Variants in TLE1 observed in about 807,000 individuals in gnomAD.
TLE1 encodes the protein transducin-like enhancer protein 1.
A neutral mutation model predicts 89.8 loss-of-function variants in TLE1; 21 were observed. The ratio of observed to expected loss-of-function variants is 0.23; its 90% confidence interval spans 0.17 to 0.34. The LOEUF (loss-of-function observed/expected upper bound fraction) is 0.34. Ranked by LOEUF, TLE1 falls within the 10% of genes least tolerant of loss-of-function variation. TLE1 has a pLI of 1.00. For missense variants in TLE1, 795 were observed against 1,031.2 expected (o/e 0.77, Z 3.14); for synonymous variants, 447 against 407.6 (o/e 1.10, Z -1.16).
rs758365931 is a variant in TLE1, at chr9:81,587,678, C to CT, written c.1977+2_1977+3insA. The CT allele has an allele frequency of 6.2e-7, 1 of 1,609,036 alleles. No homozygotes were observed. Among genetic ancestry groups the CT allele is most frequent in the African/African-American group, 1.3e-5 (1 of 74,980 alleles). Reference sequence around the variant, plus strand: ...CCAGGGCAGGCGGAAGCCACTCAGTCACCTGGGAGGTGAAGTCGTGCTGCT... The same window carrying CT: ...CCAGGGCAGGCGGAAGCCACTCAGTCTACCTGGGAGGTGAAGTCGTGCTGCT... On this transcript the variant is annotated splice_region_variant and intron_variant, in intron 17 of 19. Transcript: ENST00000376499.
chr9:81,635,893 T>C (rs980704647), intron 6 of TLE1, among the ~76,000 whole-genome samples: 2 of 152,108 alleles, frequency 1.3e-5, no homozygotes, highest in Admixed American at 1.3e-4. Flanking sequence ...AGTGGCTCAC[T>C]ATAATCCTAT....
chr9:81,669,178 T>C (rs1263406415), intron 4 of TLE1, among the ~76,000 whole-genome samples: 1 of 152,198 alleles, frequency 6.6e-6, no homozygotes. Flanking sequence ...GGAATAAAGG[T>C]CAATGTTGCA....
intron 14 of TLE1, among the ~76,000 whole-genome samples, chr9:81,606,082 T>C (rs1405383351): frequency 2.6e-5 from 4 of 152,174 alleles, no homozygotes; most frequent in East Asian, 1.9e-4. Flanking sequence ...TACCATCTCA[T>C]GCCAGTTAGA....
intron 14 of TLE1, among the ~76,000 whole-genome samples, chr9:81,596,826 G>T (rs1158247777): frequency 6.6e-6 from 1 of 152,202 alleles, no homozygotes; most frequent in Non-Finnish European, 1.5e-5. Context: ...TCTGTTCCTT[G>T]ATCCAAGGGC....
chr9:81,622,183 C>G (rs955435717), intron 8 of TLE1, among the ~76,000 whole-genome samples: 5 of 152,200 alleles, frequency 3.3e-5, no homozygotes, highest in Non-Finnish European at 7.3e-5. Context: ...ACATGGGAAA[C>G]GTGTTTAAAT....
intron 14 of TLE1, among the ~76,000 whole-genome samples, chr9:81,598,478 G>A (rs950480026): frequency 5.3e-5 from 8 of 152,162 alleles, no homozygotes; most frequent in Non-Finnish European, 1.2e-4. Flanking sequence ...AAGTCTTTCC[G>A]ATTCCAGAGT....
chr9:81,655,852 CAAAAA>C (rs5898754), intron 4 of TLE1, among the ~76,000 whole-genome samples: 6 of 127,012 alleles, frequency 4.7e-5, no homozygotes, highest in Non-Finnish European at 8.2e-5. Context: ...GACCCTGTCT[CAAAAA>C]AAAAAAAAAA....
At chr9:81,654,433 CG>C (rs1190470139) in intron 4 of TLE1, among the ~76,000 whole-genome samples, 1 of 152,168 alleles carries the variant, frequency 6.6e-6, no homozygotes, top group Non-Finnish European at 1.5e-5. Flanking sequence ...CTCTGCCTCC[CG>C]GGTTCACACC....
At chr9:81,653,936 A>G (rs1425984532) in intron 5 of TLE1, 38 bp downstream of exon 5, 1 of 1,591,234 alleles carries the variant, frequency 6.3e-7, no homozygotes. Context: ...CAGAGAAGCA[A>G]CATAATTGCA....
Position 81,616,052 on chromosome 9 carries a change from G to C in TLE1, c.848C>G (p.Ala283Gly). The change falls in exon 11 of 20, where the codon GCT becomes GGT. Residue 283 changes from alanine (A) to glycine (G), a missense_variant. By Grantham distance (60) the Ala-to-Gly change is moderately conservative (BLOSUM62 0). Transcript: ENST00000376499. ...GGCCGTGGAAGCTGGACTGCTAGAA[G>C]CATCCTTCTTTAGCAGGCGATTTTT... ...IDKNRLLKKD[A>G]SSSPASTASS... 1 of 1,614,176 alleles carries C rather than the reference G, an allele frequency of 6.2e-7. No homozygotes were observed. Among genetic ancestry groups the C allele is most frequent in the Non-Finnish European group, 8.5e-7 (1 of 1,180,040 alleles).
At chr9:81,638,065 C>A (rs2132422170) in intron 6 of TLE1, among the ~76,000 whole-genome samples, 1 of 152,276 alleles carries the variant, frequency 6.6e-6, no homozygotes, top group East Asian at 1.9e-4. Context: ...TTCGCATTTC[C>A]CCCACTGCTC....
chr9:81,620,982 A>T (rs1432689841), intron 8 of TLE1: 1 of 447,288 alleles, frequency 2.2e-6, no homozygotes, highest in South Asian at 1.7e-5. Context: ...ACCACTCTAA[A>T]AAGGCACAAA....
chr9:81,674,677 G>A (rs1404083829), intron 4 of TLE1, among the ~76,000 whole-genome samples: 2 of 152,226 alleles, frequency 1.3e-5, no homozygotes, highest in African/African-American at 4.8e-5. Context: ...TCAGAACAAA[G>A]AGAGGAGGAC....
chr9:81,631,069 A>T (rs568714253), intron 8 of TLE1, among the ~76,000 whole-genome samples: 58 of 152,354 alleles, frequency 3.8e-4, no homozygotes, highest in Admixed American at 2.5e-3. Context: ...CTTGTCAAAA[A>T]TTTGATATAA....
chr9:81,651,391 A>T (rs1829512126), intron 6 of TLE1, among the ~76,000 whole-genome samples: 1 of 152,184 alleles, frequency 6.6e-6, no homozygotes, highest in South Asian at 2.1e-4. Flanking sequence ...GGTTCACCAG[A>T]TTCATTAATG....
At chr9:81,640,664 T>C (rs905661706) in intron 6 of TLE1, among the ~76,000 whole-genome samples, 6 of 152,328 alleles carry the variant, frequency 3.9e-5, no homozygotes, top group South Asian at 2.1e-4. Flanking sequence ...CAGCCACGCA[T>C]TGAGAATTTT....
intron 4 of TLE1, among the ~76,000 whole-genome samples, chr9:81,673,904 G>T (rs890156060): frequency 4.6e-5 from 7 of 152,116 alleles, no homozygotes; most frequent in Non-Finnish European, 8.8e-5. Context: ...GCTGCATGGG[G>T]CCTGGATGCC....
rs1027402011 is a variant in TLE1 at position 81,587,747 on chromosome 9, G to T, written c.1911C>A (p.Asp637Glu). Residue 637 changes from aspartate (D) to glutamate (E), a missense_variant, in exon 17 of 20, where the codon GAC (aspartate) becomes GAA (glutamate). Asp to Glu is a conservative substitution (Grantham distance 45, BLOSUM62 2). This residue lies in a region of TLE1 where 214 missense variants were observed against 354.9 expected (regional missense o/e 0.60). Transcript: ENST00000376499. ...GCAGGTCCCAGGACCTGACTGTGTT[G>T]TCCAAACCACCCGTCCAGAGCTTGG... ...DGTKLWTGGLDNTVRSWDLRE... is the reference protein window; with the variant it reads ...DGTKLWTGGLENTVRSWDLRE... 3.7e-6 allele frequency: 6 copies of T among 1,614,134 alleles called. No homozygotes were observed. Among genetic ancestry groups the T allele is most frequent in the Non-Finnish European group, 5.1e-6 (6 of 1,180,036 alleles).
rs1823965129 is a variant in TLE1 at position 81,613,360 on chromosome 9, A to C, written c.1063+17T>G. The C allele has an allele frequency of 1.2e-6, 2 of 1,610,942 alleles. No homozygotes were observed. The highest frequency in any genetic ancestry group is 1.7e-5 in the Admixed American group (1 of 59,268). On this transcript the variant is annotated intron_variant, in intron 12 of 19. Transcript: ENST00000376499. ...TGGGAGAAACCAAACAAAGCACAAC[A>C]AGAGGCGATGCTGTACCCGCTTGGT...
Sources: gnomAD v4.1 joint callset for allele counts (sites outside exome capture counted in the v4.1 genomes callset) on GRCh38, gnomAD v4.1.1 for gene constraint, gnomAD v4.1.1 regional missense constraint, MANE v1.5 for transcripts, NCBI Gene and HGNC (gene_info 2026-07-23, HGNC 2026-07-21) for gene names.